Variants in CNTNAP2 observed in about 807,000 individuals in gnomAD.
The protein encoded by CNTNAP2 is contactin-associated protein-like 2.
A neutral mutation model predicts 155.2 loss-of-function variants in CNTNAP2; 98 were observed. The ratio of observed to expected loss-of-function variants is 0.63; its 90% CI spans 0.54 to 0.75. CNTNAP2 has a LOEUF of 0.75. Ranked by LOEUF, CNTNAP2 falls within the 30% of genes least tolerant of loss-of-function variation. The pLI, the probability that CNTNAP2 is intolerant of heterozygous loss-of-function variation, is 0.00. For missense variants in CNTNAP2, 1,727 were observed against 1,688.1 expected (o/e 1.02, Z -0.40); for synonymous variants, 651 against 631.2 (o/e 1.03, Z -0.47).
intron 10 of CNTNAP2, among the ~76,000 whole-genome samples, chr7:147,407,197 A>C (rs535278921): frequency 2.6e-5 from 4 of 152,148 alleles, no homozygotes; most frequent in African/African-American, 7.2e-5. Context: ...GGCCGGGTGC[A>C]GTGGCTCACG....
intron 3 of CNTNAP2, among the ~76,000 whole-genome samples, chr7:146,930,984 A>T (rs1277797402): frequency 6.6e-6 from 1 of 152,074 alleles, no homozygotes; most frequent in African/African-American, 2.4e-5. Context: ...CACAATAATA[A>T]TGGGAGACTT....
At chr7:147,405,545 G>A (rs1016348950) in intron 10 of CNTNAP2, among the ~76,000 whole-genome samples, 3 of 152,124 alleles carry the variant, frequency 2.0e-5, no homozygotes, top group Non-Finnish European at 2.9e-5. Context: ...TCCCTAACAT[G>A]CTGTGTGGGA....
chr7:146,198,403 G>A (rs1478490965), intron 1 of CNTNAP2, among the ~76,000 whole-genome samples: 1 of 152,052 alleles, frequency 6.6e-6, no homozygotes, highest in Admixed American at 6.6e-5. Context: ...TGACTTATTC[G>A]TTATATTGAA....
chr7:146,679,675 C>T (rs967225385), intron 1 of CNTNAP2, among the ~76,000 whole-genome samples: 1 of 151,640 alleles, frequency 6.6e-6, no homozygotes, highest in African/African-American at 2.4e-5. Flanking sequence ...CTTTCTCTCC[C>T]TTCCTTCCTC....
At chr7:147,670,183 TTTC>T (rs1159834662) in intron 13 of CNTNAP2, among the ~76,000 whole-genome samples, 3 of 152,160 alleles carry the variant, frequency 2.0e-5, no homozygotes, top group Non-Finnish European at 4.4e-5. Context: ...GATTTTCTGT[TTTC>T]TTCTTGTTTT....
intron 1 of CNTNAP2, among the ~76,000 whole-genome samples, chr7:146,555,410 A>G (rs917887443): frequency 6.6e-6 from 1 of 152,116 alleles, no homozygotes; most frequent in African/African-American, 2.4e-5. Context: ...TGTATCATCT[A>G]TTTACTGAAT....
intron 1 of CNTNAP2, among the ~76,000 whole-genome samples, chr7:146,310,700 A>G (rs7806058): frequency 0.51 from 77,147 of 151,898 alleles, 23,850 homozygotes; most frequent in African/African-American, 0.88. Flanking sequence ...TACTACGATC[A>G]AAGTAGCAAC....
rs953510233 is a variant in CNTNAP2, at chr7:146,264,321, G to A, written c.97+147348G>A. 2.7e-4 allele frequency among the ~76,000 whole-genome samples: 41 copies of A among 151,832 alleles called. 1 individual carries two copies. The highest frequency in any genetic ancestry group is 9.2e-4 in the African/African-American group (38 of 41,334). On this transcript the variant is annotated intron_variant, in intron 1 of 23. Transcript: ENST00000361727. ...CTAAAAATTAGCTGGGCGTGGTGGC[G>A]GGCGCCTGTAATCCCAGCTCCTCAG...
intron 3 of CNTNAP2, among the ~76,000 whole-genome samples, chr7:146,897,264 G>T (rs1795896961): frequency 6.6e-6 from 1 of 152,060 alleles, no homozygotes; most frequent in African/African-American, 2.4e-5. Flanking sequence ...TTAAGTTGAG[G>T]TTCTCGAATT....
At chr7:146,934,064 C>T (rs1796851500) in intron 3 of CNTNAP2, among the ~76,000 whole-genome samples, 1 of 151,980 alleles carries the variant, frequency 6.6e-6, no homozygotes, top group South Asian at 2.1e-4. Flanking sequence ...CTAGAAATAC[C>T]ATTTGACCCA....
intron 16 of CNTNAP2, among the ~76,000 whole-genome samples, chr7:148,131,087 C>A (rs962915877): frequency 8.2e-5 from 8 of 97,186 alleles, no homozygotes; most frequent in South Asian, 3.5e-4. Context: ...TTTTCTTCTT[C>A]TTTTTTTTTT....
intron 1 of CNTNAP2, among the ~76,000 whole-genome samples, chr7:146,433,267 G>A (rs1558412): frequency 0.43 from 65,173 of 151,900 alleles, 16,910 homozygotes; most frequent in African/African-American, 0.73. Flanking sequence ...AATTCAAAAC[G>A]TAAAAGCTAT....
intron 14 of CNTNAP2, among the ~76,000 whole-genome samples, chr7:147,911,120 C>G (rs146526003): frequency 6.6e-6 from 1 of 151,006 alleles, no homozygotes; most frequent in African/African-American, 2.4e-5. Flanking sequence ...TTCCCCATTT[C>G]CCTCTCCTCC....
At chr7:148,352,956 G>T (rs1261912662) in intron 21 of CNTNAP2, among the ~76,000 whole-genome samples, 1 of 152,148 alleles carries the variant, frequency 6.6e-6, no homozygotes, top group Non-Finnish European at 1.5e-5. Context: ...CAGTTACCTT[G>T]TCTTCCAAAC....
chr7:146,898,822 A>G (rs1460587999), intron 3 of CNTNAP2, among the ~76,000 whole-genome samples: 1 of 151,994 alleles, frequency 6.6e-6, no homozygotes, highest in Admixed American at 6.6e-5. Flanking sequence ...TGTAGACCTT[A>G]AAAGGGGCCA....
intron 1 of CNTNAP2, among the ~76,000 whole-genome samples, chr7:146,641,469 T>C (rs1799706768): frequency 1.3e-5 from 2 of 152,242 alleles, no homozygotes; most frequent in Non-Finnish European, 2.9e-5. Context: ...CCATATTTTA[T>C]AAGAAGTAGC....
At chr7:147,076,065 T>A (rs1199985518) in intron 4 of CNTNAP2, among the ~76,000 whole-genome samples, 1 of 152,224 alleles carries the variant, frequency 6.6e-6, no homozygotes, top group East Asian at 1.9e-4. Flanking sequence ...AAGTCTTTGC[T>A]ATTGTGAATA....
intron 1 of CNTNAP2, among the ~76,000 whole-genome samples, chr7:146,536,933 A>T (rs1797878351): frequency 6.6e-6 from 1 of 152,164 alleles, no homozygotes; most frequent in African/African-American, 2.4e-5. Context: ...ACTAGAACTT[A>T]ACCATTAAAA....
At chr7:148,189,525 G>A (rs1399843527) in intron 18 of CNTNAP2, among the ~76,000 whole-genome samples, 1 of 152,096 alleles carries the variant, frequency 6.6e-6, no homozygotes, top group East Asian at 1.9e-4. Flanking sequence ...TCTGGTGAGG[G>A]CCCTCTTCTG....
Sources: gnomAD v4.1 joint callset for allele counts (sites outside exome capture counted in the v4.1 genomes callset) on GRCh38, gnomAD v4.1.1 for gene constraint, MANE v1.5 for transcripts, NCBI Gene and HGNC (gene_info 2026-07-23, HGNC 2026-07-21) for gene names.